The following CNOT6L variants were observed in gnomAD, a reference collection of about 807,000 sequenced individuals.
CNOT6L encodes CCR4-NOT transcription complex subunit 6-like.
CNOT6L carries 7 observed loss-of-function variants against 64.0 expected under a neutral mutation model. That is an observed-to-expected ratio of 0.11 (90% CI 0.06 to 0.21). CNOT6L has a LOEUF of 0.21. CNOT6L is among the 10% of genes least tolerant of loss of function. CNOT6L has a pLI of 1.00. For missense variants in CNOT6L, 245 were observed against 669.0 expected (o/e 0.37, Z 6.99); for synonymous variants, 193 against 243.4 (o/e 0.79, Z 1.93).
At chr4:77,725,203 A>G (rs981496585) in intron 11 of CNOT6L, among the ~76,000 whole-genome samples, 3 of 152,194 alleles carry the variant, frequency 2.0e-5, no homozygotes, top group Non-Finnish European at 4.4e-5. Context: ...CAACACACGA[A>G]TTTCTTTTCT....
At chr4:77,813,555 C>CA (rs2110186900) in intron 1 of CNOT6L, among the ~76,000 whole-genome samples, 1 of 152,162 alleles carries the variant, frequency 6.6e-6, no homozygotes, top group Admixed American at 6.5e-5. Flanking sequence ...AAGACTCTTA[C>CA]AACTCAATAA....
intron 4 of CNOT6L, among the ~76,000 whole-genome samples, chr4:77,759,575 G>GAA (rs35125491): frequency 1.1e-4 from 16 of 140,722 alleles, no homozygotes; most frequent in East Asian, 6.1e-4. Context: ...CAAAAAAGAA[G>GAA]AAAAAAAAAA....
At chr4:77,808,992 A>G (rs909574267) in intron 1 of CNOT6L, among the ~76,000 whole-genome samples, 12 of 152,168 alleles carry the variant, frequency 7.9e-5, no homozygotes, top group Non-Finnish European at 1.5e-4. Context: ...GTGTACGTGT[A>G]TTGTTTTTTA....
chr4:77,810,728 A>G (rs1732836118), intron 1 of CNOT6L, among the ~76,000 whole-genome samples: 1 of 152,166 alleles, frequency 6.6e-6, no homozygotes, highest in South Asian at 2.1e-4. Flanking sequence ...GCTACAGAAC[A>G]CTAGAACTTA....
chr4:77,716,090 G>C lies in CNOT6L; in HGVS notation c.*4341C>G, dbSNP rs1423789448. On this transcript the variant is annotated 3_prime_UTR_variant, in exon 12 of 12. Coordinates refer to ENST00000504123, the MANE Select transcript of CNOT6L (RefSeq NM_144571.3). Reference sequence around the variant, plus strand: ...ATGACTCAAAGGGAAAGGCGTAAATGAATCTACTACACATTAGAAAAGTGA... The same window carrying C: ...ATGACTCAAAGGGAAAGGCGTAAATCAATCTACTACACATTAGAAAAGTGA... The C allele has an allele frequency of 1.3e-5, 2 of 151,718 alleles. No homozygotes were observed. The highest frequency in any genetic ancestry group is 2.9e-5 in the Non-Finnish European group (2 of 67,890). The allele number at this position is 151,718 out of a possible 1,614,324, so 9.4% of individuals were successfully genotyped here. A position where few individuals can be genotyped will look rare whatever the true frequency, so the allele number is the denominator to read the frequency against.
At chr4:77,800,392 G>T (rs1731391191) in intron 1 of CNOT6L, among the ~76,000 whole-genome samples, 1 of 151,834 alleles carries the variant, frequency 6.6e-6, no homozygotes, top group Non-Finnish European at 1.5e-5. Context: ...GTGACTGTGA[G>T]TGAGCACCAG....
intron 9 of CNOT6L, 146 bp downstream of exon 9, chr4:77,731,241 G>A: frequency 1.5e-6 from 1 of 659,866 alleles, no homozygotes; most frequent in African/African-American, 1.8e-5. Flanking sequence ...ACACAATGGT[G>A]CTATTTTCCT....
intron 9 of CNOT6L, among the ~76,000 whole-genome samples, chr4:77,730,585 C>T (rs1722336646): frequency 6.6e-6 from 1 of 151,806 alleles, no homozygotes; most frequent in Non-Finnish European, 1.5e-5. Flanking sequence ...TAAATAAAAA[C>T]GGAGGGGCTA....
At chr4:77,735,104 A>G (rs190047866) in intron 8 of CNOT6L, among the ~76,000 whole-genome samples, 426 of 152,262 alleles carry the variant, frequency 2.8e-3, no homozygotes, top group African/African-American at 9.3e-3. Flanking sequence ...TCCAATTAGA[A>G]ATCGAAAGCA....
At chr4:77,759,600 T>G (rs1299143792) in intron 4 of CNOT6L, among the ~76,000 whole-genome samples, 1 of 147,848 alleles carries the variant, frequency 6.8e-6, no homozygotes, top group African/African-American at 2.5e-5. Flanking sequence ...CCAAGATGGG[T>G]TGAAAGAACA....
At chr4:77,750,307 CTTTT>C (rs980453522) in intron 5 of CNOT6L, among the ~76,000 whole-genome samples, 21 of 151,962 alleles carry the variant, frequency 1.4e-4, no homozygotes, top group African/African-American at 4.1e-4. Flanking sequence ...GGAATTTTAA[CTTTT>C]TTTACAAAAG....
intron 1 of CNOT6L, among the ~76,000 whole-genome samples, chr4:77,818,506 C>A (rs1306844648): frequency 6.6e-6 from 1 of 152,112 alleles, no homozygotes; most frequent in Non-Finnish European, 1.5e-5. Context: ...AAAATATTTA[C>A]TCAGTCCCTC....
At chr4:77,739,263 G>A (rs1437011945) in intron 8 of CNOT6L, among the ~76,000 whole-genome samples, 1 of 152,132 alleles carries the variant, frequency 6.6e-6, no homozygotes, top group Non-Finnish European at 1.5e-5. Context: ...GTGAAGATGA[G>A]GAATTATCAG....
chr4:77,746,406 A>G (rs1029848343), intron 6 of CNOT6L, among the ~76,000 whole-genome samples: 3 of 152,130 alleles, frequency 2.0e-5, no homozygotes, highest in Non-Finnish European at 4.4e-5. Flanking sequence ...AATCACCCTT[A>G]GCCACCACAA....
At chr4:77,785,871 A>T (rs1577983250) in intron 1 of CNOT6L, among the ~76,000 whole-genome samples, 3 of 152,218 alleles carry the variant, frequency 2.0e-5, no homozygotes, top group African/African-American at 7.2e-5. Flanking sequence ...AAGAGGTGAC[A>T]CTAAGCTGAA....
rs949804783 is a variant in CNOT6L, at chr4:77,790,822, T to C, written c.6-14430A>G. On this transcript the variant is annotated intron_variant, in intron 1 of 11. Transcript: ENST00000504123. ...CACCACTGCGCCTGGCTGATTTTTT[T>C]TTTTTTTTTTCATTTTTAGTAAAGA... Among the ~76,000 whole-genome samples, 5 of 151,638 alleles carry C rather than the reference T, an allele frequency of 3.3e-5. No individual in the cohort carries two copies. The East Asian group carries it at 9.8e-4, about 30-fold the overall frequency.
intron 1 of CNOT6L, among the ~76,000 whole-genome samples, chr4:77,779,093 T>C (rs572756389): frequency 7.0e-6 from 1 of 143,164 alleles, no homozygotes; most frequent in Non-Finnish European, 1.5e-5. Flanking sequence ...CACACAGGCA[T>C]AGGATTAGAA....
rs1371630626 is a variant in CNOT6L, at chr4:77,714,071, A to G, written c.*6360T>C. The G allele has an allele frequency of 1.3e-5, 2 of 152,632 alleles. No individual in the cohort carries two copies. Among genetic ancestry groups the G allele is most frequent in the East Asian group, 3.8e-4 (2 of 5,198 alleles). The allele number at this position is 152,632 out of a possible 1,614,324, so 9.5% of individuals were successfully genotyped here. The stretch of plus-strand genomic sequence containing the variant: ...ACAGCAGAATTTGTTTTGGAATAGT[A>G]TCAATGGAAACTACCAAGTATTCAG... On this transcript the variant is annotated 3_prime_UTR_variant, in exon 12 of 12. Coordinates refer to ENST00000504123, the MANE Select transcript of CNOT6L (RefSeq NM_144571.3).
intron 4 of CNOT6L, among the ~76,000 whole-genome samples, chr4:77,766,948 A>G (rs1480987970): frequency 6.6e-6 from 1 of 151,148 alleles, no homozygotes; most frequent in Non-Finnish European, 1.5e-5. Flanking sequence ...CTGTAATCCC[A>G]GCTACTCAGG....
Sources: gnomAD v4.1 joint callset for allele counts (sites outside exome capture counted in the v4.1 genomes callset) on GRCh38, gnomAD v4.1.1 for gene constraint, MANE v1.5 for transcripts, NCBI Gene and HGNC (gene_info 2026-07-23, HGNC 2026-07-21) for gene names.